The following PLCB1 variants were observed in gnomAD, a reference collection of about 807,000 sequenced individuals.
PLCB1 encodes the protein phospholipase C beta 1.
Under a neutral mutation model 161.8 loss-of-function variants are expected in PLCB1, and 46 were observed. That is an observed-to-expected ratio of 0.28 (90% CI 0.22 to 0.36). The LOEUF is 0.36. Among genes scored for constraint, PLCB1 ranks in the 10% least tolerant of loss-of-function variants. The pLI is 1.00. For synonymous variants in PLCB1, 517 were observed against 503.7 expected, an observed-to-expected ratio of 1.03 and a Z score of -0.35; for missense variants, 1,016 against 1,472.5, an observed-to-expected ratio of 0.69 and a Z score of 5.07.
chr20:8,781,842 T>G lies in PLCB1; in HGVS notation c.3112-6607T>G, dbSNP rs141809945. ...ATTAGATCTTGTGAGACTTATTCGC[T>G]ATCACAAGAACAGCACAGGAAAGAC... On this transcript the variant is annotated intron_variant, in intron 27 of 31. Coordinates refer to ENST00000338037, the MANE Select transcript of PLCB1 (RefSeq NM_015192.4). Among the ~76,000 whole-genome samples, 559 of 152,266 alleles carry G rather than the reference T, an allele frequency of 3.7e-3. 3 individuals carry two copies. The highest frequency in any genetic ancestry group is 0.013 in the African/African-American group (537 of 41,566).
intron 3 of PLCB1, among the ~76,000 whole-genome samples, chr20:8,477,715 G>A (rs1393590898): frequency 1.3e-5 from 2 of 152,124 alleles, no homozygotes; most frequent in Non-Finnish European, 2.9e-5. Flanking sequence ...TGGGGAGGAT[G>A]TGCCAGGCTC....
chr20:8,740,531 A>G, intron 22 of PLCB1, 83 bp downstream of exon 22: 1 of 659,382 alleles, frequency 1.5e-6, no homozygotes, highest in Non-Finnish European at 2.5e-6. Context: ...TAGTGAAAGG[A>G]AAACTGAACC....
chr20:8,475,514 G>A (rs1289907236), intron 3 of PLCB1, among the ~76,000 whole-genome samples: 1 of 152,194 alleles, frequency 6.6e-6, no homozygotes, highest in Non-Finnish European at 1.5e-5. Context: ...GGTAACTGAG[G>A]CACAGAGGAG....
chr20:8,281,540 C>G (rs1982873437), intron 2 of PLCB1, among the ~76,000 whole-genome samples: 1 of 152,016 alleles, frequency 6.6e-6, no homozygotes. Flanking sequence ...CACTAAAGAA[C>G]AACGATCTAT....
chr20:8,256,916 G>A (rs1445215162), intron 2 of PLCB1: 1 of 152,136 alleles, frequency 6.6e-6, no homozygotes, highest in East Asian at 1.9e-4. Flanking sequence ...GCATTTAAGA[G>A]TTTACTATTG....
At chr20:8,686,689 G>A (rs1246491533) in intron 10 of PLCB1, among the ~76,000 whole-genome samples, 5 of 152,096 alleles carry the variant, frequency 3.3e-5, no homozygotes, top group African/African-American at 7.2e-5. Flanking sequence ...CCTTTTGAGA[G>A]ACCAAATTGT....
chr20:8,797,994 G>C (rs1984109286), intron 31 of PLCB1, among the ~76,000 whole-genome samples: 1 of 152,166 alleles, frequency 6.6e-6, no homozygotes, highest in African/African-American at 2.4e-5. Flanking sequence ...AGGAGTTTGA[G>C]ACCAGCCTCG....
intron 3 of PLCB1, among the ~76,000 whole-genome samples, chr20:8,618,152 A>C (rs937808534): frequency 2.0e-5 from 3 of 152,156 alleles, no homozygotes; most frequent in East Asian, 3.9e-4. Flanking sequence ...GGGGAGAGAA[A>C]TGATGGCTGT....
At chr20:8,157,463 A>C (rs897020890) in intron 2 of PLCB1, among the ~76,000 whole-genome samples, 2 of 152,198 alleles carry the variant, frequency 1.3e-5, no homozygotes, top group Non-Finnish European at 2.9e-5. Flanking sequence ...TAGTTTAGCC[A>C]CTAAGCCAAG....
chr20:8,490,803 G>A (rs988486237), intron 3 of PLCB1, among the ~76,000 whole-genome samples: 5 of 151,326 alleles, frequency 3.3e-5, no homozygotes, highest in African/African-American at 9.7e-5. Flanking sequence ...CTGATTTTAG[G>A]AGAATAGTTT....
chr20:8,796,570 A>C (rs1200291913), intron 31 of PLCB1, among the ~76,000 whole-genome samples: 1 of 152,158 alleles, frequency 6.6e-6, no homozygotes, highest in African/African-American at 2.4e-5. Flanking sequence ...GTTTCTGCTC[A>C]TTGTCAAGTC....
At chr20:8,654,156 T>G (rs909675309) in intron 7 of PLCB1, among the ~76,000 whole-genome samples, 6 of 152,038 alleles carry the variant, frequency 3.9e-5, no homozygotes, top group African/African-American at 1.4e-4. Context: ...CCACCAAGAT[T>G]GTTAAAATCT....
At chr20:8,383,660 A>G (rs1404471810) in intron 3 of PLCB1, among the ~76,000 whole-genome samples, 1 of 151,878 alleles carries the variant, frequency 6.6e-6, no homozygotes, top group Non-Finnish European at 1.5e-5. Context: ...TGTTTTTGCA[A>G]TGGCTGGTTT....
chr20:8,770,557 A>G (rs978462669), intron 26 of PLCB1, among the ~76,000 whole-genome samples: 1 of 152,180 alleles, frequency 6.6e-6, no homozygotes, highest in Non-Finnish European at 1.5e-5. Flanking sequence ...AGGTGTTCAG[A>G]GCAGTTTGTT....
chr20:8,314,979 A>G (rs1322170424), intron 2 of PLCB1, among the ~76,000 whole-genome samples: 1 of 152,210 alleles, frequency 6.6e-6, no homozygotes, highest in Non-Finnish European at 1.5e-5. Flanking sequence ...TGTGGAAGCT[A>G]TTAAACAGTC....
chr20:8,399,110 G>A (rs558417843), intron 3 of PLCB1, among the ~76,000 whole-genome samples: 6 of 146,282 alleles, frequency 4.1e-5, no homozygotes, highest in Admixed American at 4.1e-4. Context: ...ATGACTTCGT[G>A]ATTTTCCATT....
chr20:8,170,995 A>T (rs976400818), intron 2 of PLCB1, among the ~76,000 whole-genome samples: 17 of 152,206 alleles, frequency 1.1e-4, no homozygotes, highest in African/African-American at 4.1e-4. Flanking sequence ...ATAAATCTGC[A>T]AATCACATTA....
intron 31 of PLCB1, among the ~76,000 whole-genome samples, chr20:8,826,323 G>A (rs921550609): frequency 3.9e-5 from 6 of 151,980 alleles, no homozygotes; most frequent in South Asian, 4.2e-4. Context: ...GTGAAACCCC[G>A]TCTCTACTAA....
intron 31 of PLCB1, among the ~76,000 whole-genome samples, chr20:8,827,752 T>C (rs555677489): frequency 6.6e-6 from 1 of 152,324 alleles, no homozygotes; most frequent in South Asian, 2.1e-4. Context: ...CTAAGAATGA[T>C]TTTGACATTT....
Sources: gnomAD v4.1 joint callset for allele counts (sites outside exome capture counted in the v4.1 genomes callset) on GRCh38, gnomAD v4.1.1 for gene constraint, MANE v1.5 for transcripts, NCBI Gene and HGNC (gene_info 2026-07-23, HGNC 2026-07-21) for gene names.